Variants in CTNNA3 observed in about 807,000 individuals in gnomAD.
CTNNA3 encodes catenin alpha 3, also known as catenin alpha-3.
A neutral mutation model predicts 95.7 loss-of-function variants in CTNNA3; 76 were observed. That is an observed-to-expected ratio of 0.79 (90% confidence interval 0.66 to 0.96). The LOEUF (loss-of-function observed/expected upper bound fraction) is 0.96. Ranked by LOEUF, CTNNA3 falls within the 40% of genes least tolerant of loss-of-function variation. The pLI, the probability that CTNNA3 is intolerant of heterozygous loss-of-function variation, is 0.00. For missense variants in CTNNA3, 1,191 were observed against 1,089.8 expected, an observed-to-expected ratio of 1.09 and a Z score of -1.31; for synonymous variants, 431 against 374.4, an observed-to-expected ratio of 1.15 and a Z score of -1.74.
chr10:66,566,660 T>A (rs1227741551), intron 10 of CTNNA3, among the ~76,000 whole-genome samples: 1 of 152,054 alleles, frequency 6.6e-6, no homozygotes, highest in Non-Finnish European at 1.5e-5. Context: ...CGCTGTCTCC[T>A]TGTCCTCTTC....
intron 7 of CTNNA3, among the ~76,000 whole-genome samples, chr10:66,826,806 A>G (rs1842532578): frequency 6.6e-6 from 1 of 152,198 alleles, no homozygotes; most frequent in South Asian, 2.1e-4. Flanking sequence ...TTACGGTATA[A>G]TGCCAATTAT....
chr10:66,356,272 G>A (rs1180101938), intron 12 of CTNNA3, among the ~76,000 whole-genome samples: 1 of 151,786 alleles, frequency 6.6e-6, no homozygotes, highest in Non-Finnish European at 1.5e-5. Flanking sequence ...TTATAGATCA[G>A]CTTAGGAAGA....
chr10:67,491,802 G>C (rs1469204819), intron 5 of CTNNA3, among the ~76,000 whole-genome samples: 3 of 151,924 alleles, frequency 2.0e-5, no homozygotes, highest in African/African-American at 4.8e-5. Flanking sequence ...AGAAAGGGGT[G>C]AATTTGAATG....
chr10:66,559,305 C>T (rs1051009037), intron 10 of CTNNA3, among the ~76,000 whole-genome samples: 11 of 152,056 alleles, frequency 7.2e-5, no homozygotes, highest in Non-Finnish European at 1.3e-4. Context: ...AAGGACTTGA[C>T]ATGGCTACAA....
At chr10:67,127,874 GTGTC>G (rs1463318284) in intron 7 of CTNNA3, among the ~76,000 whole-genome samples, 3 of 131,406 alleles carry the variant, frequency 2.3e-5, no homozygotes, top group African/African-American at 8.0e-5. Context: ...TTCTGTGTGT[GTGTC>G]TGTGTGTGTG....
intron 13 of CTNNA3, among the ~76,000 whole-genome samples, chr10:66,223,024 G>A (rs1278461891): frequency 1.3e-5 from 2 of 151,940 alleles, no homozygotes; most frequent in South Asian, 2.1e-4. Flanking sequence ...AAGTTCACGT[G>A]CTCAAATTAT....
At chr10:66,486,835 ACACAC>A in intron 11 of CTNNA3, among the ~76,000 whole-genome samples, 1 of 150,664 alleles carries the variant, frequency 6.6e-6, no homozygotes, top group East Asian at 2.1e-4. Context: ...ACACACACAC[ACACAC>A]ACACACAAAA....
intron 5 of CTNNA3, among the ~76,000 whole-genome samples, chr10:67,450,903 A>G (rs892611685): frequency 2.6e-5 from 4 of 151,992 alleles, no homozygotes; most frequent in Non-Finnish European, 4.4e-5. Flanking sequence ...TAGATATAAT[A>G]TCTATATATC....
At chr10:65,969,405 A>G (rs1178102972) in intron 16 of CTNNA3, among the ~76,000 whole-genome samples, 2 of 152,214 alleles carry the variant, frequency 1.3e-5, no homozygotes, top group African/African-American at 4.8e-5. Flanking sequence ...ATACCATACT[A>G]GTTCTCCAGC....
rs574904588 is a variant in CTNNA3 at position 66,050,550 on chromosome 10, G to A, written c.2159+18758C>T. Among the ~76,000 whole-genome samples, 4 of 152,124 alleles carry A rather than the reference G, an allele frequency of 2.6e-5. No individual in the cohort carries two copies. The South Asian group carries it at 8.3e-4, about 32-fold the overall frequency. On this transcript the variant is annotated intron_variant, in intron 15 of 17. Coordinates refer to ENST00000433211, the MANE Select transcript of CTNNA3 (RefSeq NM_013266.4). ...TTGATCAAGTGATCATCCTGCCTCA[G>A]CCTCTTCACTAGCTGGGACGACAGG... is the stretch of plus-strand genomic sequence containing the variant.
At chr10:67,309,857 A>G (rs1757867553) in intron 5 of CTNNA3, among the ~76,000 whole-genome samples, 1 of 152,200 alleles carries the variant, frequency 6.6e-6, no homozygotes, top group Non-Finnish European at 1.5e-5. Flanking sequence ...AGTATTCTGA[A>G]AATGTCAGTG....
chr10:66,252,757 T>C (rs573181725), intron 13 of CTNNA3, among the ~76,000 whole-genome samples: 1 of 152,272 alleles, frequency 6.6e-6, no homozygotes, highest in African/African-American at 2.4e-5. Flanking sequence ...TGGAAGGACT[T>C]GGTGAATAAT....
chr10:67,571,607 A>G (rs1564749524), intron 3 of CTNNA3, among the ~76,000 whole-genome samples: 3 of 152,198 alleles, frequency 2.0e-5, no homozygotes, highest in African/African-American at 7.2e-5. Flanking sequence ...ATAATAGACT[A>G]TAGTTTATAC....
intron 12 of CTNNA3, among the ~76,000 whole-genome samples, chr10:66,325,302 T>C (rs576823577): frequency 6.6e-6 from 1 of 152,208 alleles, no homozygotes; most frequent in Admixed American, 6.5e-5. Context: ...GTACCTTCTA[T>C]GTGCAAAACT....
At chr10:67,049,375 T>G (rs1223683569) in intron 7 of CTNNA3, among the ~76,000 whole-genome samples, 1 of 152,166 alleles carries the variant, frequency 6.6e-6, no homozygotes, top group Non-Finnish European at 1.5e-5. Context: ...AATAAGCAGT[T>G]ATTTATGAAC....
intron 7 of CTNNA3, among the ~76,000 whole-genome samples, chr10:66,856,770 ATTTG>A (rs765075273): frequency 1.9e-4 from 29 of 151,888 alleles, no homozygotes; most frequent in Non-Finnish European, 3.5e-4. Flanking sequence ...CTGCTTATAA[ATTTG>A]TTTAAGTTCC....
intron 5 of CTNNA3, among the ~76,000 whole-genome samples, chr10:67,254,508 AG>A (rs559787372): frequency 3.6e-4 from 55 of 152,294 alleles, no homozygotes; most frequent in African/African-American, 1.3e-3. Context: ...ACTGGAACCT[AG>A]GTCTTTCTGA....
At chr10:67,353,603 A>G (rs1368576456) in intron 5 of CTNNA3, among the ~76,000 whole-genome samples, 1 of 152,006 alleles carries the variant, frequency 6.6e-6, no homozygotes, top group Admixed American at 6.6e-5. Flanking sequence ...AGCTGAGAAA[A>G]CAAGATATAT....
At chr10:66,102,993 C>T (rs1403939360) in intron 14 of CTNNA3, among the ~76,000 whole-genome samples, 164 bp downstream of exon 14, 2 of 152,018 alleles carry the variant, frequency 1.3e-5, no homozygotes, top group Non-Finnish European at 2.9e-5. Flanking sequence ...AAATAATTCC[C>T]CTCATGTGGT....
Sources: gnomAD v4.1 joint callset for allele counts (sites outside exome capture counted in the v4.1 genomes callset) on GRCh38, gnomAD v4.1.1 for gene constraint, MANE v1.5 for transcripts, NCBI Gene and HGNC (gene_info 2026-07-23, HGNC 2026-07-21) for gene names.